Variants in TAS2R1 observed in about 807,000 individuals in gnomAD.
TAS2R1 encodes the protein taste 2 receptor member 1, also known as taste receptor type 2 member 1.
For missense variants in TAS2R1, 370 were observed against 353.4 expected (o/e 1.05, Z -0.38); for synonymous variants, 141 against 134.2 (o/e 1.05, Z -0.35).
the TAS2R1 span, among the ~76,000 whole-genome samples, chr5:9,871,572 C>A: frequency 1.3e-5 from 2 of 152,180 alleles, no homozygotes; most frequent in African/African-American, 4.8e-5. Flanking sequence ...CAACTGCACA[C>A]ACTCGGATGG....
intron 2 of TAS2R1, among the ~76,000 whole-genome samples, chr5:9,652,646 T>C (rs565759253): frequency 4.0e-4 from 61 of 152,322 alleles, no homozygotes; most frequent in East Asian, 7.7e-4. Context: ...TCCATTCAAA[T>C]TCAGGGCTTG....
the TAS2R1 span, among the ~76,000 whole-genome samples, chr5:9,811,421 T>C: frequency 3.3e-4 from 51 of 152,318 alleles, 2 homozygotes; most frequent in South Asian, 9.9e-3. Context: ...TGAGGTCTGT[T>C]CATGAAGTGG....
chr5:9,636,114 A>G (rs1739958721), intron 2 of TAS2R1, among the ~76,000 whole-genome samples: 1 of 152,102 alleles, frequency 6.6e-6, no homozygotes, highest in South Asian at 2.1e-4. Context: ...GCTGCATCCC[A>G]GAGGTTTTAA....
At chr5:9,850,338 G>A in the TAS2R1 span, among the ~76,000 whole-genome samples, 1 of 152,206 alleles carries the variant, frequency 6.6e-6, no homozygotes, top group Non-Finnish European at 1.5e-5. Context: ...CCAAAGCACA[G>A]AACACATGAC....
At chr5:9,644,495 CAAG>C (rs1044125841) in intron 2 of TAS2R1, among the ~76,000 whole-genome samples, 2 of 152,018 alleles carry the variant, frequency 1.3e-5, no homozygotes, top group African/African-American at 2.4e-5. Context: ...AGCCATTTTT[CAAG>C]AAGGAGAAGG....
At chr5:9,744,274 T>C in the TAS2R1 span, among the ~76,000 whole-genome samples, 6 of 152,238 alleles carry the variant, frequency 3.9e-5, no homozygotes, top group African/African-American at 1.2e-4. Context: ...TTGCCATACT[T>C]CTACAAGCAC....
intron 1 of TAS2R1, among the ~76,000 whole-genome samples, chr5:9,672,562 C>A (rs1025450844): frequency 6.6e-6 from 1 of 152,058 alleles, no homozygotes; most frequent in African/African-American, 2.4e-5. Flanking sequence ...TAGACAAATG[C>A]AAATCAATAC....
the TAS2R1 span, among the ~76,000 whole-genome samples, chr5:9,752,554 TCA>T: frequency 2.9e-5 from 4 of 138,900 alleles, no homozygotes; most frequent in African/African-American, 1.0e-4. Flanking sequence ...AGCAAATATA[TCA>T]TTTTTTTTAT....
chr5:9,738,276 G>A, the TAS2R1 span, among the ~76,000 whole-genome samples: 1 of 152,144 alleles, frequency 6.6e-6, no homozygotes, highest in Non-Finnish European at 1.5e-5. Flanking sequence ...TCCAATTGGG[G>A]CTGGAGCTAC....
intron 2 of TAS2R1, among the ~76,000 whole-genome samples, chr5:9,637,184 G>A (rs576966305): frequency 1.3e-5 from 2 of 152,262 alleles, no homozygotes; most frequent in South Asian, 4.2e-4. Context: ...CTTCATTTAT[G>A]AAGCTTAGTT....
At chr5:9,632,826 C>T (rs1401555761), upstream of TAS2R1, among the ~76,000 whole-genome samples, 3 of 152,040 alleles carry the variant, frequency 2.0e-5, no homozygotes, top group African/African-American at 7.2e-5. Flanking sequence ...GGTCTTGAAC[C>T]CCTCCAAGTC....
At chr5:9,901,735 C>T in the TAS2R1 span, among the ~76,000 whole-genome samples, 2 of 152,108 alleles carry the variant, frequency 1.3e-5, no homozygotes, top group Non-Finnish European at 2.9e-5. Flanking sequence ...TGGATCCAGG[C>T]CGGAGACAGG....
intron 1 of TAS2R1, among the ~76,000 whole-genome samples, chr5:9,662,163 T>G (rs1740551039): frequency 6.6e-6 from 1 of 152,148 alleles, no homozygotes; most frequent in Non-Finnish European, 1.5e-5. Flanking sequence ...TCCAGCCTAA[T>G]TCCAAACGGG....
chr5:9,882,244 G>GA, the TAS2R1 span, among the ~76,000 whole-genome samples: 2 of 151,894 alleles, frequency 1.3e-5, no homozygotes, highest in African/African-American at 4.8e-5. Flanking sequence ...TCAAACATAT[G>GA]AAAAAAAGCT....
chr5:9,780,525 C>T, the TAS2R1 span, among the ~76,000 whole-genome samples: 13 of 152,216 alleles, frequency 8.5e-5, no homozygotes, highest in African/African-American at 2.7e-4. Flanking sequence ...TCCATCTCCA[C>T]GTCTTTCTGC....
chr5:9,695,572 A>G (rs1741339999), intron 1 of TAS2R1, among the ~76,000 whole-genome samples: 1 of 152,116 alleles, frequency 6.6e-6, no homozygotes, highest in African/African-American at 2.4e-5. Flanking sequence ...TCATTTAAAA[A>G]GCGGCTTGGG....
At chr5:9,742,902 A>C in the TAS2R1 span, among the ~76,000 whole-genome samples, 1 of 152,200 alleles carries the variant, frequency 6.6e-6, no homozygotes, top group African/African-American at 2.4e-5. Flanking sequence ...ACTGAACCAA[A>C]AAAAAAGACA....
the TAS2R1 span, among the ~76,000 whole-genome samples, chr5:9,812,151 G>A: frequency 6.6e-6 from 1 of 151,758 alleles, no homozygotes; most frequent in African/African-American, 2.4e-5. Flanking sequence ...TCACCCCCCT[G>A]CCCCACCCAA....
chr5:9,681,215 G>T (rs1740989306), intron 1 of TAS2R1, among the ~76,000 whole-genome samples: 1 of 152,090 alleles, frequency 6.6e-6, no homozygotes, highest in African/African-American at 2.4e-5. Context: ...TAGTGCATTG[G>T]ATTGGTTCAT....
Sources: allele counts gnomAD v4.1 joint callset (sites outside exome capture counted in the v4.1 genomes callset), GRCh38; gene constraint gnomAD v4.1.1; transcripts MANE v1.5; gene names NCBI Gene and HGNC (gene_info 2026-07-23, HGNC 2026-07-21).